Variants in ADAMTS20 observed in about 807,000 individuals in gnomAD.
ADAMTS20 encodes A disintegrin and metalloproteinase with thrombospondin motifs 20.
ADAMTS20 carries 225 observed loss-of-function variants against 260.1 expected under a neutral mutation model. The observed-to-expected ratio is 0.87, with a 90% CI of 0.78 to 0.97. ADAMTS20 has a LOEUF of 0.97. Ranked by LOEUF, ADAMTS20 falls within the 50% of genes least tolerant of loss-of-function variation. The pLI is 0.00. For missense variants in ADAMTS20, 2,400 were observed against 2,337.7 expected (o/e 1.03, Z -0.55); for synonymous variants, 802 against 769.5 (o/e 1.04, Z -0.70).
chr12:43,467,140 G>C (rs1942169364), intron 8 of ADAMTS20, among the ~76,000 whole-genome samples: 1 of 152,184 alleles, frequency 6.6e-6, no homozygotes, highest in Non-Finnish European at 1.5e-5. Flanking sequence ...TGTGGATAGA[G>C]ATTAGGTAAA....
chr12:43,529,057 A>T (rs1157714786), intron 3 of ADAMTS20, among the ~76,000 whole-genome samples: 1 of 152,188 alleles, frequency 6.6e-6, no homozygotes, highest in Non-Finnish European at 1.5e-5. Context: ...AAAGTGCTCA[A>T]CATCACTAAT....
chr12:43,542,527 T>C (rs925559353), intron 2 of ADAMTS20, among the ~76,000 whole-genome samples: 37 of 151,970 alleles, frequency 2.4e-4, no homozygotes, highest in African/African-American at 8.7e-4. Flanking sequence ...TTTTTTTTCA[T>C]GTGTTATTTC....
At chr12:43,428,165 A>G in intron 26 of ADAMTS20, 76 bp downstream of exon 26, 1 of 1,407,516 alleles carries the variant, frequency 7.1e-7, no homozygotes, top group East Asian at 2.3e-5. Context: ...TACTGATGGC[A>G]TCATATACAT....
intron 28 of ADAMTS20, among the ~76,000 whole-genome samples, chr12:43,405,663 A>C (rs1940905890): frequency 6.6e-6 from 1 of 152,110 alleles, no homozygotes; most frequent in Non-Finnish European, 1.5e-5. Context: ...TAAACAAAAA[A>C]TGACGACAAG....
intron 36 of ADAMTS20, among the ~76,000 whole-genome samples, chr12:43,372,307 A>T (rs1940124487): frequency 6.6e-6 from 1 of 152,166 alleles, no homozygotes; most frequent in South Asian, 2.1e-4. Flanking sequence ...CAAGAAAGAC[A>T]CAAAACCATT....
At chr12:43,477,832 T>G (rs1942382428) in intron 7 of ADAMTS20, among the ~76,000 whole-genome samples, 1 of 152,178 alleles carries the variant, frequency 6.6e-6, no homozygotes, top group South Asian at 2.1e-4. Flanking sequence ...AGAGGAAGCT[T>G]CAAGGTGCAT....
intron 3 of ADAMTS20, among the ~76,000 whole-genome samples, chr12:43,529,494 C>T (rs183755336): frequency 6.8e-4 from 103 of 152,160 alleles, no homozygotes; most frequent in Admixed American, 5.2e-3. Flanking sequence ...GAAATAATGT[C>T]CTTTGCAGCA....
At chr12:43,539,746 G>A in intron 2 of ADAMTS20, among the ~76,000 whole-genome samples, 1 of 152,084 alleles carries the variant, frequency 6.6e-6, no homozygotes, top group Non-Finnish European at 1.5e-5. Flanking sequence ...GCTGAAGAGG[G>A]GAAATGTGAT....
rs374347603 is a variant in ADAMTS20 at position 43,399,237 on chromosome 12, G to A, written c.4285-4C>T. On this transcript the variant is annotated splice_polypyrimidine_tract_variant and splice_region_variant and intron_variant, in intron 28 of 38. Transcript: ENST00000389420. ...CTTTACCACAAGAAGCTGAGCACTAGAAAAGAAATATGAATGCACTTGATT... is the reference window on the plus strand; with the variant it reads ...CTTTACCACAAGAAGCTGAGCACTAAAAAAGAAATATGAATGCACTTGATT... 2.5e-4 allele frequency: 376 copies of A among 1,499,556 alleles called. No individual in the cohort carries two copies. The African/African-American group carries it at 4.9e-3, about 20-fold the overall frequency. The allele number at this position is 1,499,556 out of a possible 1,614,324, so 92.9% of individuals were successfully genotyped here. A position where few individuals can be genotyped will look rare whatever the true frequency, so the allele number is the denominator to read the frequency against.
intron 14 of ADAMTS20, among the ~76,000 whole-genome samples, chr12:43,449,387 GAA>G (rs1303811127): frequency 1.3e-5 from 2 of 152,126 alleles, no homozygotes; most frequent in African/African-American, 2.4e-5. Context: ...CACAGGAACA[GAA>G]AGCCAAATAT....
intron 38 of ADAMTS20, among the ~76,000 whole-genome samples, chr12:43,355,067 A>ATTTTTTCCT: frequency 6.6e-6 from 1 of 152,140 alleles, no homozygotes; most frequent in Non-Finnish European, 1.5e-5. Context: ...GGAAAAGGTA[A>ATTTTTTCCT]TTTTTTTAAA....
intron 16 of ADAMTS20, among the ~76,000 whole-genome samples, chr12:43,442,410 AC>A (rs1941683769): frequency 1.3e-5 from 2 of 152,054 alleles, no homozygotes; most frequent in Admixed American, 1.3e-4. Flanking sequence ...GGCATGCGCC[AC>A]CATGTCCGGC....
rs564546355 is a variant in ADAMTS20, at chr12:43,436,523, T to C, written c.2594-2152A>G. ...TTTGAACATATCAATATAAAATTAT[T>C]AATAATATATTTTACGTTCTTTTTT... is the stretch of plus-strand genomic sequence containing the variant. On this transcript the variant is annotated intron_variant, in intron 18 of 38. Coordinates refer to ENST00000389420, the MANE Select transcript of ADAMTS20 (RefSeq NM_025003.5). 2.8e-4 allele frequency among the ~76,000 whole-genome samples: 42 copies of C among 152,298 alleles called. No homozygotes were observed. In the South Asian group the frequency reaches 8.7e-3, roughly 32 times the overall value.
chr12:43,517,515 A>C (rs531686290), intron 3 of ADAMTS20, among the ~76,000 whole-genome samples: 1 of 152,204 alleles, frequency 6.6e-6, no homozygotes, highest in Non-Finnish European at 1.5e-5. Flanking sequence ...TCCACAAAGA[A>C]ATCTATTAAA....
At chr12:43,429,766 G>A (rs1004344295) in intron 23 of ADAMTS20, 42 bp from the exon 24 acceptor site, 1 of 1,279,110 alleles carries the variant, frequency 7.8e-7, no homozygotes, top group Non-Finnish European at 1.1e-6. Flanking sequence ...ATTAATTAAT[G>A]ACTGATTTAT....
rs752944731 is a variant in ADAMTS20 at position 43,493,261 on chromosome 12, T to TA, written c.868-9dup. On this transcript the variant is annotated splice_polypyrimidine_tract_variant and intron_variant, in intron 4 of 38. Transcript: ENST00000389420. ...TTTGTAGATTGTTGCAACCTGCATG[T>TA]AAAAAAAATGTAGGATTAGTTGTTT... is the stretch of plus-strand genomic sequence containing the variant. 2.9e-4 allele frequency: 448 copies of TA among 1,521,168 alleles called. 1 individual carries two copies. Among genetic ancestry groups the TA allele is most frequent in the South Asian group, 1.2e-3 (101 of 81,982 alleles). The allele number at this position is 1,521,168 out of a possible 1,614,324, so 94.2% of individuals were successfully genotyped here.
intron 9 of ADAMTS20, 109 bp downstream of exon 9, chr12:43,466,541 CAT>C: frequency 1.0e-6 from 1 of 980,104 alleles, no homozygotes; most frequent in South Asian, 1.6e-5. Context: ...TGAAAGTAAA[CAT>C]AAATTTAAAC....
chr12:43,500,838 A>G (rs1300799643), intron 4 of ADAMTS20, among the ~76,000 whole-genome samples: 1 of 152,152 alleles, frequency 6.6e-6, no homozygotes, highest in Non-Finnish European at 1.5e-5. Context: ...AATTTAAGGT[A>G]AAATGTCATA....
chr12:43,493,950 G>T (rs1335749907), intron 4 of ADAMTS20, among the ~76,000 whole-genome samples: 1 of 152,148 alleles, frequency 6.6e-6, no homozygotes, highest in Admixed American at 6.5e-5. Flanking sequence ...CACTCTGAAT[G>T]GGCTCTGCAT....
Sources: gnomAD v4.1 joint callset for allele counts (sites outside exome capture counted in the v4.1 genomes callset) on GRCh38, gnomAD v4.1.1 for gene constraint, MANE v1.5 for transcripts, NCBI Gene and HGNC (gene_info 2026-07-23, HGNC 2026-07-21) for gene names.